The following KAZN variants were observed in gnomAD, a reference collection of about 807,000 sequenced individuals.
KAZN encodes the protein kazrin, periplakin interacting protein.
A neutral mutation model predicts 87.4 loss-of-function variants in KAZN; 40 were observed. That is an observed-to-expected ratio of 0.46 (90% confidence interval 0.36 to 0.60). KAZN has a LOEUF of 0.60. KAZN is among the 20% of genes least tolerant of loss of function. The probability of loss-of-function intolerance (pLI) is 0.00; values close to 1 mark genes in which losing one functional copy is unlikely to be tolerated. For missense variants in KAZN, 898 were observed against 1,073.9 expected (o/e 0.84, Z 2.29); for synonymous variants, 466 against 458.3 (o/e 1.02, Z -0.22).
At chr1:14,738,393 G>T (rs1015226692) in intron 1 of KAZN, among the ~76,000 whole-genome samples, 1 of 152,012 alleles carries the variant, frequency 6.6e-6, no homozygotes, top group Non-Finnish European at 1.5e-5. Flanking sequence ...CCTGAACCCT[G>T]GCTGCTGCTC....
intron 1 of KAZN, among the ~76,000 whole-genome samples, chr1:13,976,002 C>A (rs907091093): frequency 9.8e-5 from 15 of 152,304 alleles, no homozygotes; most frequent in African/African-American, 3.6e-4. Context: ...GTCCATTGCA[C>A]CCTGCCTTGA....
chr1:14,514,616 T>TCTC (rs1671200168), intron 2 of KAZN, among the ~76,000 whole-genome samples: 1 of 28,308 alleles, frequency 3.5e-5, no homozygotes, highest in East Asian at 6.6e-4. Flanking sequence ...TATATATATA[T>TCTC]ATATATATAT....
At chr1:14,205,526 GT>G (rs1646721175) in intron 2 of KAZN, among the ~76,000 whole-genome samples, 1 of 152,066 alleles carries the variant, frequency 6.6e-6, no homozygotes, top group Non-Finnish European at 1.5e-5. Flanking sequence ...TTGATACACT[GT>G]GGCAGTGAAA....
rs77689920 is a variant in KAZN, at chr1:15,060,638, A to G, written c.1047+336A>G. On this transcript the variant is annotated intron_variant, in intron 6 of 14. Transcript: ENST00000376030. ...TCCCACACATTACCTTCCAGAGCTC[A>G]GGGCCTCCCCAGCACCTCCTCATTT... 5.3e-3 allele frequency: 1,656 copies of G among 311,520 alleles called. 24 individuals carry two copies. The highest frequency in any genetic ancestry group is 0.032 in the African/African-American group (1,526 of 47,828). 19.3% of individuals were successfully genotyped at this position (311,520 alleles called of 1,614,324 possible). A position where few individuals can be genotyped will look rare whatever the true frequency, so the allele number is the denominator to read the frequency against.
At chr1:14,470,131 C>G (rs1668375540) in intron 2 of KAZN, among the ~76,000 whole-genome samples, 1 of 152,046 alleles carries the variant, frequency 6.6e-6, no homozygotes, top group Admixed American at 6.6e-5. Flanking sequence ...TGAGAAATGT[C>G]CAAAGACATA....
intron 2 of KAZN, among the ~76,000 whole-genome samples, chr1:14,491,234 T>C (rs565314559): frequency 9.8e-5 from 15 of 152,368 alleles, no homozygotes; most frequent in African/African-American, 2.9e-4. Flanking sequence ...TATTGCTTTT[T>C]CTCTATTTGA....
chr1:15,042,437 G>A (rs937958644), intron 3 of KAZN, among the ~76,000 whole-genome samples: 1 of 152,182 alleles, frequency 6.6e-6, no homozygotes, highest in Non-Finnish European at 1.5e-5. Flanking sequence ...TCTTTCTTAC[G>A]TGGGTGGTCA....
rs377212855 is a variant in KAZN at position 14,721,494 on chromosome 1, G to A, written c.226+122271G>A. ...CCTTATTAGTAGCATGAGAACAGAC[G>A]AATAGACCTGTGCAACTGTGAAACT... On this transcript the variant is annotated intron_variant, in intron 1 of 14. Transcript: ENST00000376030. Among the ~76,000 whole-genome samples the A allele has an allele frequency of 2.9e-4, 44 of 152,310 alleles. 1 individual carries two copies. The South Asian group carries it at 6.6e-3, about 23-fold the overall frequency.
At chr1:14,655,605 C>T (rs1033000555) in intron 1 of KAZN, among the ~76,000 whole-genome samples, 3 of 152,170 alleles carry the variant, frequency 2.0e-5, no homozygotes, top group African/African-American at 7.2e-5. Flanking sequence ...TATAAGCAGG[C>T]TTAGCTGCTG....
chr1:14,749,837 T>A (rs1037669186), intron 1 of KAZN, among the ~76,000 whole-genome samples: 1 of 152,042 alleles, frequency 6.6e-6, no homozygotes, highest in Non-Finnish European at 1.5e-5. Context: ...GGGCCTCAGT[T>A]TCCTCATTTG....
intron 10 of KAZN, 78 bp downstream of exon 10, chr1:15,095,011 CG>C: frequency 9.9e-7 from 1 of 1,005,964 alleles, no homozygotes; most frequent in Non-Finnish European, 1.5e-6. Flanking sequence ...GTGGGGTGAG[CG>C]GGGCACTGTG....
intron 1 of KAZN, among the ~76,000 whole-genome samples, chr1:14,732,447 G>A (rs562022036): frequency 9.3e-4 from 142 of 152,196 alleles, no homozygotes; most frequent in Non-Finnish European, 1.3e-3. Context: ...AAGACCAGCC[G>A]GGCCAATATG....
chr1:15,111,087 G>A (rs1284635274), intron 13 of KAZN, among the ~76,000 whole-genome samples: 1 of 152,142 alleles, frequency 6.6e-6, no homozygotes, highest in Non-Finnish European at 1.5e-5. Flanking sequence ...ACTGAGCAAG[G>A]CCCTCCCTGT....
At chr1:15,103,869 A>C (rs1641197355) in intron 12 of KAZN, among the ~76,000 whole-genome samples, 154 bp from the exon 13 acceptor site, 1 of 152,110 alleles carries the variant, frequency 6.6e-6, no homozygotes, top group Admixed American at 6.5e-5. Context: ...GGCTCTAAAA[A>C]ATTGGGGAGG....
At chr1:14,530,475 A>G (rs577016319) in intron 2 of KAZN, among the ~76,000 whole-genome samples, 2 of 152,036 alleles carry the variant, frequency 1.3e-5, no homozygotes, top group South Asian at 2.1e-4. Flanking sequence ...GTGATCCCCA[A>G]TGTTGGAGGT....
At chr1:14,657,294 G>C (rs888609110) in intron 1 of KAZN, among the ~76,000 whole-genome samples, 2 of 152,120 alleles carry the variant, frequency 1.3e-5, no homozygotes, top group African/African-American at 2.4e-5. Flanking sequence ...TGTTGGTCAG[G>C]CTGGTCTCGA....
At chr1:14,414,424 G>A (rs1405737414) in intron 2 of KAZN, among the ~76,000 whole-genome samples, 1 of 150,994 alleles carries the variant, frequency 6.6e-6, no homozygotes, top group Non-Finnish European at 1.5e-5. Flanking sequence ...AAATAAATGA[G>A]TAACTTGTAG....
Position 13,911,987 on chromosome 1 carries a change from C to T in KAZN, c.91+18231C>T, listed in dbSNP as rs1271196493. On this transcript the variant is annotated intron_variant, in intron 1 of 16. Coordinates refer to the KAZN transcript ENST00000636203. ...TGGACAAGTTTCTTTTTCCCCATTA[C>T]TATTGTTTTAAATCTCTCTGAACCA... Among the ~76,000 whole-genome samples, 5 of 152,246 alleles carry T rather than the reference C, an allele frequency of 3.3e-5. No individual in the cohort carries two copies. The East Asian group carries it at 9.6e-4, about 29-fold the overall frequency.
chr1:14,234,798 A>G (rs1648244520), intron 2 of KAZN, among the ~76,000 whole-genome samples: 1 of 152,252 alleles, frequency 6.6e-6, no homozygotes, highest in South Asian at 2.1e-4. Context: ...AAAATTGCCT[A>G]TGCAACCTTT....
Sources: allele counts gnomAD v4.1 joint callset (sites outside exome capture counted in the v4.1 genomes callset), GRCh38; gene constraint gnomAD v4.1.1; transcripts MANE v1.5; gene names NCBI Gene and HGNC (gene_info 2026-07-23, HGNC 2026-07-21).